TNFRSF14: variants seen among roughly 807,000 people sequenced by gnomAD.
The protein encoded by TNFRSF14 is tumor necrosis factor receptor superfamily member 14.
Under a neutral mutation model 34.1 loss-of-function variants are expected in TNFRSF14, and 18 were observed. The observed-to-expected ratio is 0.53, with a 90% CI of 0.36 to 0.78. The LOEUF (loss-of-function observed/expected upper bound fraction) is 0.78. Among genes scored for constraint, TNFRSF14 ranks in the 30% least tolerant of loss-of-function variants. The pLI is 0.00. For synonymous variants in TNFRSF14, 157 were observed against 153.2 expected, an observed-to-expected ratio of 1.02 and a Z score of -0.18; for missense variants, 352 against 379.5, an observed-to-expected ratio of 0.93 and a Z score of 0.60.
intron 3 of TNFRSF14, chr1:2,559,036 G>A (rs1275519268): frequency 7.3e-7 from 1 of 1,369,072 alleles, no homozygotes; most frequent in South Asian, 1.2e-5. Flanking sequence ...TGTCCCCTTG[G>A]AGCCTCATGC....
At chr1:2,559,676 A>G in intron 3 of TNFRSF14, 147 bp from the exon 4 acceptor site, 2 of 1,534,940 alleles carry the variant, frequency 1.3e-6, no homozygotes, top group Non-Finnish European at 8.7e-7. Context: ...CATGCTGGGT[A>G]CCTCTGGGCA....
intron 5 of TNFRSF14, 23 bp downstream of exon 5, chr1:2,560,737 C>G (rs759672548): frequency 6.2e-7 from 1 of 1,606,020 alleles, no homozygotes; most frequent in South Asian, 1.1e-5. Context: ...GGGGGAGGCC[C>G]AGCTCTGTGC....
In TNFRSF14 at chr1:2,561,513, A is replaced by G; in HGVS notation, c.552-160A>G. The G allele has an allele frequency of 1.9e-6, 3 of 1,542,696 alleles. No homozygotes were observed. The highest frequency in any genetic ancestry group is 2.6e-6 in the Non-Finnish European group (3 of 1,141,242). The stretch of plus-strand genomic sequence containing the variant: ...CCATAGCCGAGCTTGGAAAAGTCAG[A>G]CAGACCTCTGAGGTCTCATCCTGGA... On this transcript the variant is annotated intron_variant, in intron 5 of 7. Transcript: ENST00000355716. This position sits in a 1 kb window ranked among gnomAD's most constrained non-coding sequence, Gnocchi z 6.0.
Position 2,563,390 on chromosome 1 carries a change from C to A in TNFRSF14, c.*117C>A. ...GCTTGGGGGCTCCGCCCTGGGCTGG[C>A]TTCCGTCTCCTCCAGTGGAGGGAGA... On this transcript the variant is annotated 3_prime_UTR_variant, in exon 8 of 8. Coordinates refer to ENST00000355716, the MANE Select transcript of TNFRSF14 (RefSeq NM_003820.4). 6.6e-7 allele frequency: 1 copy of A among 1,504,596 alleles called. No homozygotes were observed. 93.2% of individuals were successfully genotyped at this position (1,504,596 alleles called of 1,614,324 possible). A position where few individuals can be genotyped will look rare whatever the true frequency, so the allele number is the denominator to read the frequency against.
At chr1:2,558,312 A>G (rs541871886) in intron 2 of TNFRSF14, 31 bp from the exon 3 acceptor site, 20 of 1,584,256 alleles carry the variant, frequency 1.3e-5, no homozygotes, top group African/African-American at 2.7e-5. Context: ...CCTCCCGCAG[A>G]CTTGCGAAGT....
In TNFRSF14 at chr1:2,558,438, A is replaced by C; in HGVS notation, c.274A>C (p.Lys92Gln). 2 of 1,613,324 alleles carry C rather than the reference A, an allele frequency of 1.2e-6. No homozygotes were observed. Among genetic ancestry groups the C allele is most frequent in the Non-Finnish European group, 1.7e-6 (2 of 1,179,828 alleles). The change falls in exon 3 of 8, where the codon AAG (lysine) becomes CAG (glutamine). Residue 92 changes from lysine (K) to glutamine (Q), a missense_variant. By Grantham distance (53) the Lys-to-Gln change is moderately conservative. Coordinates refer to ENST00000355716, the MANE Select transcript of TNFRSF14 (RefSeq NM_003820.4). Reference protein sequence around the residue: ...TYIAHLNGLSKCLQCQMCDPA... With the variant: ...TYIAHLNGLSQCLQCQMCDPA... ...CATTGCCCACCTCAATGGCCTAAGC[A>C]AGTGTCTGCAGTGCCAAATGTGTGA... is the stretch of plus-strand genomic sequence containing the variant.
chr1:2,563,314 G>C lies in TNFRSF14; in HGVS notation c.*41G>C, dbSNP rs746493613. The stretch of plus-strand genomic sequence containing the variant: ...CCCCGACGCCAGAGATACCTGGAGC[G>C]ACGGCTGCTGAAAGAGGCTGTCCAC... On this transcript the variant is annotated 3_prime_UTR_variant, in exon 8 of 8. Coordinates refer to ENST00000355716, the MANE Select transcript of TNFRSF14 (RefSeq NM_003820.4). 1 of 1,604,636 alleles carries C rather than the reference G, an allele frequency of 6.2e-7. No individual in the cohort carries two copies. Among genetic ancestry groups the C allele is most frequent in the Non-Finnish European group, 8.5e-7 (1 of 1,173,488 alleles).
At chr1:2,560,501 G>A (rs1446826001) in intron 4 of TNFRSF14, 123 bp from the exon 5 acceptor site, 7 of 660,264 alleles carry the variant, frequency 1.1e-5, no homozygotes, top group East Asian at 2.8e-5. Context: ...GCCCCTCCCC[G>A]CTGGTCCTCC....
At chr1:2,557,087 C>G in intron 1 of TNFRSF14, 1 of 324,392 alleles carries the variant, frequency 3.1e-6, no homozygotes, top group Non-Finnish European at 5.7e-6. Context: ...GGTGACCCAA[C>G]TCCCCGGCAG....
Position 2,559,810 on chromosome 1 carries a change from T to G in TNFRSF14, c.305-13T>G. On this transcript the variant is annotated splice_polypyrimidine_tract_variant and intron_variant, in intron 3 of 7. Transcript: ENST00000355716. ...TCCACGTACCCCTCTCAGCCCCTCC[T>G]CTTGGACTCCAGCCATGGGCCTGCG... 1 of 1,603,930 alleles carries G rather than the reference T, an allele frequency of 6.2e-7. No homozygotes were observed. Among genetic ancestry groups the G allele is most frequent in the Non-Finnish European group, 8.5e-7 (1 of 1,176,790 alleles).
rs138068704 is a variant in TNFRSF14 at position 2,557,754 on chromosome 1, C to T, written c.98C>T (p.Pro33Leu). The T allele has an allele frequency of 2.5e-6, 4 of 1,610,818 alleles. No homozygotes were observed. The highest frequency in any genetic ancestry group is 2.7e-5 in the African/African-American group (2 of 74,858). ...CTGTATCTCACCTTCCTGGGAGCCC[C>T]CTGCTACGCCCCAGCTCTGCCGTCC... ...LVLYLTFLGA[P>L]CYAPALPSCK... The change falls in exon 2 of 8, where the codon CCC becomes CTC. Residue 33 changes from proline (P) to leucine (L), a missense_variant. Pro to Leu is a moderately conservative substitution (Grantham distance 98). Transcript: ENST00000355716.
rs1430404942 is a variant in TNFRSF14, at chr1:2,563,312, G to A, written c.*39G>A. 6.2e-7 allele frequency: 1 copy of A among 1,605,562 alleles called. No individual in the cohort carries two copies. The highest frequency in any genetic ancestry group is 2.2e-5 in the East Asian group (1 of 44,682). The stretch of plus-strand genomic sequence containing the variant: ...CACCCCGACGCCAGAGATACCTGGA[G>A]CGACGGCTGCTGAAAGAGGCTGTCC... On this transcript the variant is annotated 3_prime_UTR_variant, in exon 8 of 8. Transcript: ENST00000355716.
At chr1:2,559,029 C>T in intron 3 of TNFRSF14, 1 of 1,368,916 alleles carries the variant, frequency 7.3e-7, no homozygotes, top group East Asian at 3.4e-5. Flanking sequence ...ACGGCTCTGT[C>T]CCCTTGGAGC....
At chr1:2,554,780 G>A (rs1432353707), upstream of TNFRSF14, 1 of 152,302 alleles carries the variant, frequency 6.6e-6, no homozygotes, top group Non-Finnish European at 1.5e-5. The surrounding 1 kb of genome is among the most constrained non-coding windows in gnomAD (Gnocchi z 4.2). Context: ...AGGGTGGGGT[G>A]GATGAGACGA....
At chr1:2,556,822 C>T in intron 1 of TNFRSF14, 89 bp downstream of exon 1, 1 of 1,315,704 alleles carries the variant, frequency 7.6e-7, no homozygotes. Context: ...TGCCCCTGTC[C>T]TGGCCGTTGC....
chr1:2,555,474 G>A (rs1644200306), upstream of TNFRSF14: 1 of 152,178 alleles, frequency 6.6e-6, no homozygotes, highest in African/African-American at 2.4e-5. The surrounding 1 kb of genome is among the most constrained non-coding windows in gnomAD (Gnocchi z 6.3). Context: ...GAGTCCCCCA[G>A]GGGCCAGGGC....
intron 4 of TNFRSF14, 72 bp downstream of exon 4, chr1:2,560,050 G>A: frequency 6.9e-7 from 1 of 1,457,864 alleles, no homozygotes. Flanking sequence ...TGGAGCCCCA[G>A]GTTTCCTCGA....
Position 2,561,978 on chromosome 1 carries a change from A to G in TNFRSF14, c.694+163A>G. On this transcript the variant is annotated intron_variant, in intron 6 of 7. Transcript: ENST00000355716. This position sits in a 1 kb window ranked among gnomAD's most constrained non-coding sequence, Gnocchi z 6.0. Reference sequence around the variant, plus strand: ...GGCAGGTGGGCTTTCTGCTGTGGCCAGAGCCCAGGTGTCAGCTGGCCTCCC... The same window carrying G: ...GGCAGGTGGGCTTTCTGCTGTGGCCGGAGCCCAGGTGTCAGCTGGCCTCCC... 1.3e-6 allele frequency: 1 copy of G among 795,014 alleles called. No homozygotes were observed. Among genetic ancestry groups the G allele is most frequent in the South Asian group, 1.7e-5 (1 of 58,644 alleles). The allele number at this position is 795,014 out of a possible 1,614,324, so 49.2% of individuals were successfully genotyped here.
At chr1:2,560,798 A>C (rs1644297642) in intron 5 of TNFRSF14, 84 bp downstream of exon 5, 2 of 1,314,360 alleles carry the variant, frequency 1.5e-6, no homozygotes, top group Non-Finnish European at 2.2e-6. Context: ...CGTCTTCTCC[A>C]GCAGAAAGGC....
Sources: allele counts gnomAD v4.1 joint callset, GRCh38; gene constraint gnomAD v4.1.1; non-coding constraint Gnocchi (gnomAD v3.1); transcripts MANE v1.5; gene names NCBI Gene and HGNC (gene_info 2026-07-23, HGNC 2026-07-21).